The following SRRM4 variants were observed in gnomAD, a reference collection of about 807,000 sequenced individuals.
SRRM4 encodes the protein serine/arginine repetitive matrix protein 4.
SRRM4 carries 33 observed loss-of-function variants against 68.9 expected under a neutral mutation model. The ratio of observed to expected loss-of-function variants is 0.48; its 90% confidence interval spans 0.36 to 0.64. The LOEUF is 0.64. Among genes scored for constraint, SRRM4 ranks in the 30% least tolerant of loss-of-function variants. SRRM4 has a pLI of 0.00. For synonymous variants in SRRM4, 318 were observed against 318.8 expected, an observed-to-expected ratio of 1.00 and a Z score of 0.03; for missense variants, 817 against 827.1, an observed-to-expected ratio of 0.99 and a Z score of 0.15.
At chr12:118,998,843 A>G (rs561162852) in intron 1 of SRRM4, among the ~76,000 whole-genome samples, 32 of 152,338 alleles carry the variant, frequency 2.1e-4, no homozygotes, top group South Asian at 1.7e-3. Flanking sequence ...CTCTATTCCC[A>G]GTGACTAGCA....
chr12:119,080,000 C>A (rs1953938477), intron 1 of SRRM4, among the ~76,000 whole-genome samples: 1 of 151,976 alleles, frequency 6.6e-6, no homozygotes, highest in African/African-American at 2.4e-5. Context: ...ATTTAATCAA[C>A]CCGAATTCAG....
At chr12:119,127,536 T>C (rs1954269500) in intron 7 of SRRM4, among the ~76,000 whole-genome samples, 1 of 152,138 alleles carries the variant, frequency 6.6e-6, no homozygotes, top group African/African-American at 2.4e-5. Flanking sequence ...GTGATCACCC[T>C]GGCCAACATA....
At chr12:119,118,979 C>T (rs963107237) in intron 4 of SRRM4, among the ~76,000 whole-genome samples, 1 of 151,910 alleles carries the variant, frequency 6.6e-6, no homozygotes, top group African/African-American at 2.4e-5. Context: ...CCTCTCCAGG[C>T]TCTTGAAATG....
chr12:119,132,307 C>T (rs1214759750), intron 8 of SRRM4: 6 of 152,150 alleles, frequency 3.9e-5, no homozygotes, highest in Non-Finnish European at 7.3e-5. Context: ...AGCTTTCTCA[C>T]CTGAGAAATG....
intron 1 of SRRM4, among the ~76,000 whole-genome samples, chr12:119,037,722 G>A (rs998213230): frequency 7.2e-5 from 11 of 152,160 alleles, no homozygotes; most frequent in East Asian, 1.9e-4. Context: ...AACATTCGCC[G>A]AAGAGAAGGG....
intron 1 of SRRM4, among the ~76,000 whole-genome samples, chr12:119,085,476 G>A (rs1953974627): frequency 6.6e-6 from 1 of 152,232 alleles, no homozygotes. Context: ...AACAAAGACA[G>A]CCAAGATGCT....
At chr12:119,113,826 C>A (rs955393605) in intron 2 of SRRM4, among the ~76,000 whole-genome samples, 2 of 152,102 alleles carry the variant, frequency 1.3e-5, no homozygotes, top group African/African-American at 4.8e-5. Context: ...TTACATTAGA[C>A]CTTGGCAAAT....
chr12:119,085,290 C>T (rs1026259128), intron 1 of SRRM4, among the ~76,000 whole-genome samples: 4 of 152,248 alleles, frequency 2.6e-5, no homozygotes, highest in Admixed American at 1.3e-4. Context: ...TTAATCCTTG[C>T]AATAACCCTG....
chr12:119,150,573 G>A (rs1219472448), intron 9 of SRRM4, among the ~76,000 whole-genome samples: 2 of 152,198 alleles, frequency 1.3e-5, no homozygotes, highest in South Asian at 2.1e-4. Flanking sequence ...AGTCTGAGGT[G>A]TGCTCCTCTC....
Position 119,158,056 on chromosome 12 carries a change from C to A in SRRM4, c.*1258C>A, listed in dbSNP as rs1007787049. Reference sequence around the variant, plus strand: ...CTTTATTTTTGCCCTCACCCCAAGTCCCCCCTGGCTGGGGCTGGGCAGAGA... The same window carrying A: ...CTTTATTTTTGCCCTCACCCCAAGTACCCCCTGGCTGGGGCTGGGCAGAGA... On this transcript the variant is annotated 3_prime_UTR_variant, in exon 13 of 13. Coordinates refer to ENST00000267260, the MANE Select transcript of SRRM4 (RefSeq NM_194286.4). 1.3e-5 allele frequency: 2 copies of A among 152,768 alleles called. No homozygotes were observed. The highest frequency in any genetic ancestry group is 2.4e-5 in the African/African-American group (1 of 41,450). 9.5% of individuals were successfully genotyped at this position (152,768 alleles called of 1,614,324 possible).
intron 1 of SRRM4, among the ~76,000 whole-genome samples, chr12:119,059,397 G>C (rs992938735): frequency 1.3e-5 from 2 of 152,090 alleles, no homozygotes; most frequent in Non-Finnish European, 2.9e-5. Context: ...TACAGAAAAG[G>C]CACATTTATC....
chr12:119,068,105 G>A (rs552807130), intron 1 of SRRM4, among the ~76,000 whole-genome samples: 9 of 152,294 alleles, frequency 5.9e-5, no homozygotes, highest in Admixed American at 5.2e-4. Context: ...TAAATACTGG[G>A]CTTCAGATTC....
chr12:119,077,748 G>A (rs563056257), intron 1 of SRRM4, among the ~76,000 whole-genome samples: 2 of 152,160 alleles, frequency 1.3e-5, no homozygotes, highest in African/African-American at 4.8e-5. Flanking sequence ...ACCCTATCTG[G>A]CACACAGTAG....
At chr12:119,022,992 C>T (rs576664988) in intron 1 of SRRM4, among the ~76,000 whole-genome samples, 1 of 152,112 alleles carries the variant, frequency 6.6e-6, no homozygotes, top group South Asian at 2.1e-4. Flanking sequence ...TTTTTGAGAA[C>T]AAACAAAGCC....
intron 1 of SRRM4, among the ~76,000 whole-genome samples, chr12:119,092,324 C>T (rs529060941): frequency 6.6e-6 from 1 of 152,190 alleles, no homozygotes; most frequent in Non-Finnish European, 1.5e-5. Context: ...TAGCTCTGAT[C>T]TCTTCTCTGA....
At chr12:119,048,914 ACT>A (rs1213672188) in intron 1 of SRRM4, among the ~76,000 whole-genome samples, 4 of 152,166 alleles carry the variant, frequency 2.6e-5, no homozygotes, top group Non-Finnish European at 5.9e-5. Flanking sequence ...ACAGAGTGAG[ACT>A]CTGTCTCAAT....
intron 2 of SRRM4, among the ~76,000 whole-genome samples, chr12:119,109,289 A>G (rs1954127717): frequency 6.6e-6 from 1 of 152,062 alleles, no homozygotes; most frequent in Admixed American, 6.6e-5. Flanking sequence ...TGAATCTGAC[A>G]GTTATGTGTC....
intron 1 of SRRM4, among the ~76,000 whole-genome samples, chr12:119,018,837 C>A (rs1953497365): frequency 6.6e-6 from 1 of 151,990 alleles, no homozygotes; most frequent in South Asian, 2.1e-4. Context: ...AAGTAGGGTA[C>A]CCCTACTGTC....
intron 1 of SRRM4, among the ~76,000 whole-genome samples, chr12:119,048,222 G>A (rs985943389): frequency 7.9e-5 from 12 of 152,272 alleles, no homozygotes; most frequent in African/African-American, 2.4e-4. Context: ...GCCCCAGACC[G>A]CAGCTGGAGA....
Sources: allele counts gnomAD v4.1 joint callset (sites outside exome capture counted in the v4.1 genomes callset), GRCh38; gene constraint gnomAD v4.1.1; transcripts MANE v1.5; gene names NCBI Gene and HGNC (gene_info 2026-07-23, HGNC 2026-07-21).